TMPRSS12: variants seen among roughly 807,000 people sequenced by gnomAD.
TMPRSS12 encodes transmembrane protease serine 12.
A neutral mutation model predicts 26.0 loss-of-function variants in TMPRSS12; 25 were observed. The observed-to-expected ratio is 0.96, with a 90% CI of 0.70 to 1.34. The LOEUF is 1.34. Ranked by LOEUF, TMPRSS12 falls within the 40% of genes most tolerant of loss-of-function variation. TMPRSS12 has a pLI of 0.00. For missense variants in TMPRSS12, 441 were observed against 440.1 expected, an observed-to-expected ratio of 1.00 and a Z score of -0.02; for synonymous variants, 150 against 161.7, an observed-to-expected ratio of 0.93 and a Z score of 0.55.
At chr12:50,883,005 TA>T (rs1273878693) in intron 3 of TMPRSS12, among the ~76,000 whole-genome samples, 6 of 152,116 alleles carry the variant, frequency 3.9e-5, no homozygotes, top group African/African-American at 1.4e-4. Flanking sequence ...TTATTAGTAA[TA>T]ACACACTAAA....
rs981943924 is a variant in TMPRSS12, at chr12:50,858,896, G to T, written c.495G>T (p.Leu165Phe). 3 of 1,590,956 alleles carry T rather than the reference G, an allele frequency of 1.9e-6. No individual in the cohort carries two copies. The African/African-American group carries it at 4.0e-5, about 21-fold the overall frequency. The change falls in exon 3 of 5, where the codon TTG becomes TTT. Residue 165 changes from leucine to phenylalanine, a missense_variant. Leu to Phe is a conservative substitution (Grantham distance 22). Coordinates refer to ENST00000398458, the MANE Select transcript of TMPRSS12 (RefSeq NM_182559.3). ...TCATTATTCATCCAAACTTCATTTT[G>T]GAATCTTATGTAAATGATATTGCAC... is the stretch of plus-strand genomic sequence containing the variant. Reference protein sequence around the residue: ...KAIIIHPNFILESYVNDIALF... With the variant: ...KAIIIHPNFIFESYVNDIALF...
At position 50,885,336 on chromosome 12, in the gene TMPRSS12, CT is replaced by C; in HGVS notation, c.744del (p.Asn249ThrfsTer24). 2 of 1,613,752 alleles carry C rather than the reference CT, an allele frequency of 1.2e-6. No homozygotes were observed. Among genetic ancestry groups the C allele is most frequent in the South Asian group, 2.2e-5 (2 of 91,076 alleles). Reference sequence around the variant, plus strand: ...GAGAGGAGTTATGGGGGAATAATTCCTAACACTTCATTTTGTGCAGGTGATG... The same window carrying C: ...GAGAGGAGTTATGGGGGAATAATTCCAACACTTCATTTTGTGCAGGTGATG... ...NSERSYGGII[P>X]NTSFCAGDED... On this transcript the variant is annotated frameshift_variant, in exon 4 of 5. Coordinates refer to ENST00000398458, the MANE Select transcript of TMPRSS12 (RefSeq NM_182559.3). LOFTEE classifies it high-confidence loss of function.
chr12:50,859,184 G>A, intron 3 of TMPRSS12, 131 bp downstream of exon 3: 1 of 823,266 alleles, frequency 1.2e-6, no homozygotes, highest in Non-Finnish European at 1.8e-6. Context: ...CACGATGGTG[G>A]TCTATAAGAT....
chr12:50,872,550 T>A (rs1385855333), intron 3 of TMPRSS12, among the ~76,000 whole-genome samples: 1 of 102,964 alleles, frequency 9.7e-6, no homozygotes. Flanking sequence ...AAAGGAACTG[T>A]GAAAAAAATA....
chr12:50,878,704 AAC>A (rs1182815555), intron 3 of TMPRSS12, among the ~76,000 whole-genome samples: 1 of 152,270 alleles, frequency 6.6e-6, no homozygotes, highest in Non-Finnish European at 1.5e-5. Context: ...TATAATGGAA[AAC>A]AGTCTTTTCA....
chr12:50,887,320 T>G lies in TMPRSS12; in HGVS notation c.854T>G (p.Met285Arg). ...YLPEYKRFFV[M>R]GITSYGHGCG... ...CCAGAATATAAAAGATTTTTTGTAA[T>G]GGGAATTACCAGTTACGGACATGGC... is the stretch of plus-strand genomic sequence containing the variant. The change falls in exon 5 of 5, where the codon ATG becomes AGG. Residue 285 changes from methionine to arginine, a missense_variant. Physicochemically the swap from Met to Arg is moderately conservative, Grantham distance 91 (BLOSUM62 -1). Coordinates refer to ENST00000398458, the MANE Select transcript of TMPRSS12 (RefSeq NM_182559.3). 1 of 1,613,954 alleles carries G rather than the reference T, an allele frequency of 6.2e-7. No homozygotes were observed. The highest frequency in any genetic ancestry group is 8.5e-7 in the Non-Finnish European group (1 of 1,179,866).
At chr12:50,872,732 G>A (rs1938067730) in intron 3 of TMPRSS12, among the ~76,000 whole-genome samples, 1 of 111,882 alleles carries the variant, frequency 8.9e-6, no homozygotes, top group Admixed American at 8.9e-5. Flanking sequence ...ACGTATATAT[G>A]TACATATATA....
chr12:50,859,143 A>C, intron 3 of TMPRSS12, 90 bp downstream of exon 3: 1 of 1,227,932 alleles, frequency 8.1e-7, no homozygotes, highest in East Asian at 2.5e-5. Context: ...TGTGCCACAT[A>C]ATGACATTTA....
intron 3 of TMPRSS12, among the ~76,000 whole-genome samples, chr12:50,871,376 G>A (rs4026594): frequency 0.31 from 46,859 of 151,978 alleles, 7,307 homozygotes; most frequent in East Asian, 0.44. Flanking sequence ...AATGGGGCTG[G>A]GATAATTGGC....
intron 4 of TMPRSS12, 123 bp downstream of exon 4, chr12:50,885,511 TCTC>T (rs769592082): frequency 8.2e-7 from 1 of 1,212,176 alleles, no homozygotes; most frequent in Admixed American, 1.7e-5. Context: ...AATCATTTTT[TCTC>T]CTTTTTAACT....
intron 3 of TMPRSS12, among the ~76,000 whole-genome samples, chr12:50,866,863 T>C (rs1407336891): frequency 6.6e-6 from 1 of 152,098 alleles, no homozygotes; most frequent in Non-Finnish European, 1.5e-5. Flanking sequence ...GCTGGGTGGC[T>C]AGACCCAGAA....
chr12:50,882,047 A>C (rs1938180120), intron 3 of TMPRSS12, among the ~76,000 whole-genome samples: 1 of 123,812 alleles, frequency 8.1e-6, no homozygotes, highest in Admixed American at 8.9e-5. Flanking sequence ...ATATATGTTT[A>C]TTTAGTTAGT....
chr12:50,877,712 T>G (rs748263562), intron 3 of TMPRSS12, among the ~76,000 whole-genome samples: 49 of 152,220 alleles, frequency 3.2e-4, no homozygotes, highest in Non-Finnish European at 1.0e-4. Flanking sequence ...GCGATTCTCA[T>G]GCCTCAGCCT....
chr12:50,880,643 G>C (rs1938154199), intron 3 of TMPRSS12, among the ~76,000 whole-genome samples: 1 of 108,616 alleles, frequency 9.2e-6, no homozygotes. Context: ...TCCATTCCTG[G>C]ATATCTACCA....
chr12:50,880,720 C>A (rs1174576927), intron 3 of TMPRSS12, among the ~76,000 whole-genome samples: 3 of 151,938 alleles, frequency 2.0e-5, no homozygotes, highest in Non-Finnish European at 4.4e-5. Context: ...TAATAATACA[C>A]CAAACAGGAA....
chr12:50,849,010 A>G (rs4768939), intron 2 of TMPRSS12, among the ~76,000 whole-genome samples: 32,469 of 152,052 alleles, frequency 0.21, 3,708 homozygotes, highest in East Asian at 0.42. Context: ...GACTACAGGC[A>G]TGTGCTACCA....
Position 50,887,409 on chromosome 12 carries a change from GA to G in TMPRSS12, c.944del (p.Glu315GlyfsTer14). The G allele has an allele frequency of 6.2e-7, 1 of 1,613,890 alleles. No homozygotes were observed. The highest frequency in any genetic ancestry group is 8.5e-7 in the Non-Finnish European group (1 of 1,179,836). On this transcript the variant is annotated frameshift_variant, in exon 5 of 5. Coordinates refer to ENST00000398458, the MANE Select transcript of TMPRSS12 (RefSeq NM_182559.3). LOFTEE classifies it low-confidence loss of function (END_TRUNC). Reference sequence around the variant, plus strand: ...ATCCTTCTACCAAAAGTGGCTGACAGAGCATTTCTTCCATGCAAGCACTCAA... The same window carrying G: ...ATCCTTCTACCAAAAGTGGCTGACAGGCATTTCTTCCATGCAAGCACTCAA... ...GPSFYQKWLT[E>X]HFFHASTQGI...
chr12:50,853,597 A>AG lies in TMPRSS12; in HGVS notation c.384-5188_384-5187insG, dbSNP rs1368552209. On this transcript the variant is annotated intron_variant, in intron 2 of 4. Coordinates refer to ENST00000398458, the MANE Select transcript of TMPRSS12 (RefSeq NM_182559.3). The stretch of plus-strand genomic sequence containing the variant: ...CTAGACTAACAAAAAAAAAAAAAAA[A>AG]AAGAAGAAGGAGAGAGAAGATCCAA... 5.9e-4 allele frequency among the ~76,000 whole-genome samples: 89 copies of AG among 150,930 alleles called. 1 individual carries two copies. The highest frequency in any genetic ancestry group is 3.7e-3 in the South Asian group (18 of 4,800).
rs1208446181 is a variant in TMPRSS12 at position 50,864,063 on chromosome 12, A to C, written c.652+5010A>C. Among the ~76,000 whole-genome samples, 17 of 152,302 alleles carry C rather than the reference A, an allele frequency of 1.1e-4. No individual in the cohort carries two copies. The East Asian group carries it at 3.1e-3, about 28-fold the overall frequency. On this transcript the variant is annotated intron_variant, in intron 3 of 4. Transcript: ENST00000398458. Reference sequence around the variant, plus strand: ...ATCGCCATCCCCATGTTTACTGGGAAAACTGCCTAATGGAAGGGGGAAAAG... The same window carrying C: ...ATCGCCATCCCCATGTTTACTGGGACAACTGCCTAATGGAAGGGGGAAAAG...
Sources: allele counts gnomAD v4.1 joint callset (sites outside exome capture counted in the v4.1 genomes callset), GRCh38; gene constraint gnomAD v4.1.1; transcripts MANE v1.5; gene names NCBI Gene and HGNC (gene_info 2026-07-23, HGNC 2026-07-21).